ZNF385B: variants seen among roughly 807,000 people sequenced by gnomAD.
The protein encoded by ZNF385B is zinc finger protein 385B, also known as zinc finger protein 533.
In ZNF385B, 23 loss-of-function variants were observed where a neutral mutation model predicts 39.2. That is an observed-to-expected ratio of 0.59 (90% CI 0.42 to 0.83). ZNF385B has a LOEUF of 0.83. Among genes scored for constraint, ZNF385B ranks in the 40% least tolerant of loss-of-function variants. The pLI is 0.00. For missense variants in ZNF385B, 552 were observed against 598.9 expected (o/e 0.92, Z 0.82); for synonymous variants, 205 against 222.6 (o/e 0.92, Z 0.70).
chr2:179,533,694 T>C (rs2059397887), intron 4 of ZNF385B, among the ~76,000 whole-genome samples: 1 of 152,174 alleles, frequency 6.6e-6, no homozygotes, highest in Non-Finnish European at 1.5e-5. Context: ...CTATTATCAA[T>C]ACATGAAGGA....
At chr2:179,676,317 C>G (rs1263749206) in intron 3 of ZNF385B, among the ~76,000 whole-genome samples, 1 of 145,278 alleles carries the variant, frequency 6.9e-6, no homozygotes, top group African/African-American at 2.6e-5. Context: ...CTCGATCTCC[C>G]GACGTCATGA....
chr2:179,752,583 C>T (rs1447147752), intron 3 of ZNF385B, among the ~76,000 whole-genome samples: 1 of 152,192 alleles, frequency 6.6e-6, no homozygotes, highest in East Asian at 1.9e-4. Context: ...TCTCCACATC[C>T]TCTCCAGCAC....
At chr2:179,598,759 GA>G (rs1688191287) in intron 3 of ZNF385B, among the ~76,000 whole-genome samples, 1 of 152,080 alleles carries the variant, frequency 6.6e-6, no homozygotes, top group Non-Finnish European at 1.5e-5. Context: ...AAGAACTTTT[GA>G]AATTGTGACA....
chr2:179,587,826 A>G (rs1220824128), intron 3 of ZNF385B, among the ~76,000 whole-genome samples: 1 of 152,224 alleles, frequency 6.6e-6, no homozygotes, highest in Non-Finnish European at 1.5e-5. Context: ...TGTTCATAAG[A>G]AGATCAAGGG....
At chr2:179,810,775 C>T (rs1575534122) in intron 1 of ZNF385B, among the ~76,000 whole-genome samples, 1 of 152,090 alleles carries the variant, frequency 6.6e-6, no homozygotes, top group African/African-American at 2.4e-5. Context: ...AGGCTTTTAA[C>T]ATGCCTCGGC....
chr2:179,496,998 G>A (rs2056288794), intron 5 of ZNF385B, among the ~76,000 whole-genome samples: 1 of 152,160 alleles, frequency 6.6e-6, no homozygotes. Flanking sequence ...GCAGTGAGCT[G>A]AGATCACACC....
intron 3 of ZNF385B, among the ~76,000 whole-genome samples, chr2:179,705,573 C>T (rs1432964922): frequency 6.6e-6 from 1 of 152,216 alleles, no homozygotes; most frequent in African/African-American, 2.4e-5. Context: ...TCACCCTGGG[C>T]TGTGGTAACC....
At chr2:179,696,143 A>T (rs1362202874) in intron 3 of ZNF385B, among the ~76,000 whole-genome samples, 1 of 152,138 alleles carries the variant, frequency 6.6e-6, no homozygotes, top group Non-Finnish European at 1.5e-5. Context: ...AGCAGGTGGT[A>T]GGTCAAGGGT....
At chr2:179,589,467 G>A (rs748631008) in intron 3 of ZNF385B, among the ~76,000 whole-genome samples, 1 of 152,180 alleles carries the variant, frequency 6.6e-6, no homozygotes, top group African/African-American at 2.4e-5. Context: ...AGGGAGGGAT[G>A]AATTTATTTT....
At chr2:179,462,129 C>T (rs1437327889) in intron 6 of ZNF385B, among the ~76,000 whole-genome samples, 1 of 152,154 alleles carries the variant, frequency 6.6e-6, no homozygotes, top group Non-Finnish European at 1.5e-5. Flanking sequence ...GACTGATGGT[C>T]ACATTCTTTC....
chr2:179,464,187 T>C (rs903699810), intron 6 of ZNF385B, among the ~76,000 whole-genome samples: 4 of 152,228 alleles, frequency 2.6e-5, no homozygotes, highest in African/African-American at 7.2e-5. Context: ...TGCTGACTTT[T>C]TGATGGGATT....
chr2:179,806,245 C>T (rs1180500563), intron 1 of ZNF385B, among the ~76,000 whole-genome samples: 1 of 152,072 alleles, frequency 6.6e-6, no homozygotes, highest in Non-Finnish European at 1.5e-5. Flanking sequence ...ACAAAATGTA[C>T]AAGATGATAA....
Position 179,563,727 on chromosome 2 carries a change from T to C in ZNF385B, c.299-18758A>G, listed in dbSNP as rs140881352. Among the ~76,000 whole-genome samples, 432 of 152,296 alleles carry C rather than the reference T, an allele frequency of 2.8e-3. 4 individuals are homozygous for C. Among genetic ancestry groups the C allele is most frequent in the African/African-American group, 9.5e-3 (395 of 41,578 alleles). On this transcript the variant is annotated intron_variant, in intron 3 of 9. Transcript: ENST00000410066. ...CATAGTATGCTAGCTCTATACTTAC[T>C]TCCCCCCAAATAACAACTGGGCATT...
intron 1 of ZNF385B, among the ~76,000 whole-genome samples, chr2:179,821,758 T>C (rs1051229374): frequency 1.3e-5 from 2 of 152,054 alleles, no homozygotes; most frequent in African/African-American, 4.8e-5. Context: ...GATTGCAGAA[T>C]ATGATTAATG....
rs1353800437 is a variant in ZNF385B at position 179,444,873 on chromosome 2, T to G, written c.1242+3A>C. 6.2e-7 allele frequency: 1 copy of G among 1,613,390 alleles called. No individual in the cohort carries two copies. On this transcript the variant is annotated splice_donor_region_variant and intron_variant, in intron 9 of 9. Transcript: ENST00000410066. ...AACAGGTGAGCAGGTGAGGTAAACT[T>G]ACTGCTAGAATACTCGGGCTCCGCT...
intron 1 of ZNF385B, among the ~76,000 whole-genome samples, chr2:179,844,303 C>A (rs1198421182): frequency 6.6e-6 from 1 of 152,180 alleles, no homozygotes; most frequent in African/African-American, 2.4e-5. Context: ...TCTGCTCTTG[C>A]AGTATGGTTC....
At chr2:179,746,382 T>C (rs1473318100) in intron 3 of ZNF385B, among the ~76,000 whole-genome samples, 1 of 152,134 alleles carries the variant, frequency 6.6e-6, no homozygotes, top group East Asian at 1.9e-4. Context: ...CTGGAGACTA[T>C]GACAATTATA....
intron 3 of ZNF385B, chr2:179,745,901 G>A: frequency 1.6e-6 from 2 of 1,253,318 alleles, no homozygotes; most frequent in Non-Finnish European, 2.0e-6. Flanking sequence ...CTTCCCAGTT[G>A]CTGGCTTATT....
intron 1 of ZNF385B, among the ~76,000 whole-genome samples, chr2:179,842,211 A>T (rs955230096): frequency 7.2e-5 from 11 of 152,236 alleles, no homozygotes; most frequent in Middle Eastern, 3.2e-3. Flanking sequence ...ATTAGTTCCA[A>T]GTCAGAGAAG....
Sources: allele counts gnomAD v4.1 joint callset (sites outside exome capture counted in the v4.1 genomes callset), GRCh38; gene constraint gnomAD v4.1.1; transcripts MANE v1.5; gene names NCBI Gene and HGNC (gene_info 2026-07-23, HGNC 2026-07-21).